The following RORA variants were observed in gnomAD, a reference collection of about 807,000 sequenced individuals.
RORA encodes the protein nuclear receptor ROR-alpha.
In RORA, 7 loss-of-function variants were observed where a neutral mutation model predicts 69.5. That is an observed-to-expected ratio of 0.10 (90% CI 0.06 to 0.19). RORA has a LOEUF of 0.19. Among genes scored for constraint, RORA ranks in the 10% least tolerant of loss-of-function variants. The pLI is 1.00. For synonymous variants in RORA, 261 were observed against 240.8 expected, an observed-to-expected ratio of 1.08 and a Z score of -0.78; for missense variants, 457 against 663.0, an observed-to-expected ratio of 0.69 and a Z score of 3.41.
chr15:60,765,582 G>A (rs1047426726), intron 1 of RORA: 7 of 152,028 alleles, frequency 4.6e-5, no homozygotes, highest in African/African-American at 1.7e-4. Flanking sequence ...ATCACGATTC[G>A]GATAAGGATA....
rs188162520 is a variant in RORA at position 60,918,223 on chromosome 15, C to T, written c.167-239537G>A. On this transcript the variant is annotated intron_variant, in intron 1 of 10. Transcript: ENST00000335670. ...TGGTTGCTAACTTAACAGAGCCTCACTTTCCAGATTCAAGGAACCATGAGA... is the reference window on the plus strand; with the variant it reads ...TGGTTGCTAACTTAACAGAGCCTCATTTTCCAGATTCAAGGAACCATGAGA... 3.1e-3 allele frequency among the ~76,000 whole-genome samples: 467 copies of T among 152,352 alleles called. 2 individuals carry two copies. The highest frequency in any genetic ancestry group is 0.011 in the African/African-American group (446 of 41,578).
At chr15:60,771,116 G>A (rs933731696) in intron 1 of RORA, among the ~76,000 whole-genome samples, 10 of 152,128 alleles carry the variant, frequency 6.6e-5, no homozygotes, top group Non-Finnish European at 1.0e-4. Flanking sequence ...TAACTCTTAA[G>A]GTAGGACTTC....
At chr15:61,036,876 T>C (rs148925746) in intron 1 of RORA, among the ~76,000 whole-genome samples, 1 of 150,264 alleles carries the variant, frequency 6.7e-6, no homozygotes, top group African/African-American at 2.5e-5. Flanking sequence ...CAGAACAGAA[T>C]AAAACATGTT....
chr15:60,813,293 C>A (rs145207405), intron 1 of RORA, among the ~76,000 whole-genome samples: 3 of 152,178 alleles, frequency 2.0e-5, no homozygotes, highest in African/African-American at 7.2e-5. Flanking sequence ...GCAGGCCACT[C>A]GCTTTGTGGA....
intron 1 of RORA, among the ~76,000 whole-genome samples, chr15:61,074,393 T>C (rs1039367432): frequency 2.6e-5 from 4 of 152,188 alleles, no homozygotes; most frequent in African/African-American, 9.7e-5. Context: ...TCCCAGACCC[T>C]GCCCCGCAGT....
At chr15:60,928,861 T>A (rs74017879) in intron 1 of RORA, among the ~76,000 whole-genome samples, 2,134 of 152,302 alleles carry the variant, frequency 0.014, 53 homozygotes, top group African/African-American at 0.048. Flanking sequence ...CCAGACAGCA[T>A]ACAGGCTGGG....
chr15:60,860,734 G>A (rs2073428862), intron 1 of RORA, among the ~76,000 whole-genome samples: 1 of 152,188 alleles, frequency 6.6e-6, no homozygotes, highest in Non-Finnish European at 1.5e-5. Context: ...ATTCTAAAAT[G>A]GCTACTACAG....
At chr15:61,040,567 G>C (rs764695310) in intron 1 of RORA, among the ~76,000 whole-genome samples, 31 of 151,844 alleles carry the variant, frequency 2.0e-4, no homozygotes, top group Non-Finnish European at 3.5e-4. Flanking sequence ...GAGTCTTGGA[G>C]TGTGTTTAAA....
At chr15:60,999,905 A>C (rs1894692251) in intron 1 of RORA, among the ~76,000 whole-genome samples, 1 of 152,234 alleles carries the variant, frequency 6.6e-6, no homozygotes, top group South Asian at 2.1e-4. Context: ...GCATGTGAAA[A>C]GAAAATAAAA....
At chr15:60,717,568 A>G (rs1397615712) in intron 1 of RORA, among the ~76,000 whole-genome samples, 1 of 152,206 alleles carries the variant, frequency 6.6e-6, no homozygotes, top group Non-Finnish European at 1.5e-5. Context: ...TAAAACCTTT[A>G]TCATGTTTTT....
chr15:60,519,928 G>A (rs562699652), intron 3 of RORA: 1 of 152,276 alleles, frequency 6.6e-6, no homozygotes, highest in East Asian at 1.9e-4. Flanking sequence ...TAAGTTGCAA[G>A]GCAAACTCAT....
intron 1 of RORA, among the ~76,000 whole-genome samples, chr15:60,965,679 T>C (rs1893535915): frequency 6.6e-6 from 1 of 152,200 alleles, no homozygotes; most frequent in Non-Finnish European, 1.5e-5. Flanking sequence ...ATGAAGCTAT[T>C]AAGATGCAAA....
At chr15:61,136,753 T>C (rs1467316592) in intron 1 of RORA, among the ~76,000 whole-genome samples, 2 of 152,160 alleles carry the variant, frequency 1.3e-5, no homozygotes, top group African/African-American at 4.8e-5. Context: ...ATGGCAATTA[T>C]AACACATTCC....
chr15:60,508,828 A>G (rs1393827790), intron 5 of RORA, among the ~76,000 whole-genome samples: 2 of 152,226 alleles, frequency 1.3e-5, no homozygotes, highest in East Asian at 3.8e-4. Flanking sequence ...TTAGATATCA[A>G]TTATAGTAAC....
chr15:61,136,433 C>G (rs1309144942), intron 1 of RORA, among the ~76,000 whole-genome samples: 1 of 152,154 alleles, frequency 6.6e-6, no homozygotes, highest in Non-Finnish European at 1.5e-5. Context: ...TTTGGAGTCT[C>G]ATCTACAGTT....
chr15:61,054,213 A>G (rs560844504), intron 1 of RORA, among the ~76,000 whole-genome samples: 1 of 152,200 alleles, frequency 6.6e-6, no homozygotes, highest in South Asian at 2.1e-4. Context: ...TTGCTTTTAC[A>G]TGTATGTAGT....
At chr15:60,515,015 G>A (rs1383718115) in intron 3 of RORA, among the ~76,000 whole-genome samples, 3 of 152,150 alleles carry the variant, frequency 2.0e-5, no homozygotes, top group Non-Finnish European at 2.9e-5. Flanking sequence ...CATGTAAAAA[G>A]GCACAGGACC....
Position 60,495,138 on chromosome 15 carries a change from C to G in RORA, c.*2317G>C, listed in dbSNP as rs1422194639. The G allele has an allele frequency of 1.3e-5, 2 of 151,798 alleles. No homozygotes were observed. Among genetic ancestry groups the G allele is most frequent in the Non-Finnish European group, 2.9e-5 (2 of 67,904 alleles). The allele number at this position is 151,798 out of a possible 1,614,324, so 9.4% of individuals were successfully genotyped here. On this transcript the variant is annotated 3_prime_UTR_variant, in exon 11 of 11. Coordinates refer to ENST00000335670, the MANE Select transcript of RORA (RefSeq NM_134261.3). ...CTAAAACACAAAACTCAAACAAAAA[C>G]AAAACACCATTTCCCCCCAGAGGAG...
chr15:61,187,031 T>C (rs1280319796), intron 1 of RORA, among the ~76,000 whole-genome samples: 2 of 152,212 alleles, frequency 1.3e-5, no homozygotes, highest in Non-Finnish European at 2.9e-5. Flanking sequence ...GCCAGTGAGT[T>C]TGAAAGGCAC....
Sources: allele counts gnomAD v4.1 joint callset (sites outside exome capture counted in the v4.1 genomes callset), GRCh38; gene constraint gnomAD v4.1.1; transcripts MANE v1.5; gene names NCBI Gene and HGNC (gene_info 2026-07-23, HGNC 2026-07-21).